Variants in KDM7A observed in about 807,000 individuals in gnomAD.
KDM7A encodes the protein lysine demethylase 7A.
In KDM7A, 28 loss-of-function variants were observed where a neutral mutation model predicts 114.8. That is an observed-to-expected ratio of 0.24 (90% confidence interval 0.18 to 0.33). The LOEUF (loss-of-function observed/expected upper bound fraction) is 0.33, where lower values mean the gene tolerates loss of function less well. Among genes scored for constraint, KDM7A ranks in the 10% least tolerant of loss-of-function variants. The pLI, the probability that KDM7A is intolerant of heterozygous loss-of-function variation, is 1.00. For synonymous variants in KDM7A, 423 were observed against 397.8 expected, an observed-to-expected ratio of 1.06 and a Z score of -0.75; for missense variants, 942 against 1,142.5, an observed-to-expected ratio of 0.82 and a Z score of 2.53.
intron 1 of KDM7A, among the ~76,000 whole-genome samples, chr7:140,153,957 C>G (rs1048705508): frequency 6.6e-6 from 1 of 152,130 alleles, no homozygotes; most frequent in African/African-American, 2.4e-5. Context: ...AAAACATGCT[C>G]TCCTGTCTGC....
In KDM7A at chr7:140,102,906, T is replaced by C. The variant is rs1818256259; in HGVS notation, c.1429-746A>G. ...ATCATGAAAAATAGCAGCCTCCTCT[T>C]CCCCATCCCTCTCATTCTCCAGAGG... On this transcript the variant is annotated intron_variant, in intron 11 of 19. Coordinates refer to ENST00000397560, the MANE Select transcript of KDM7A (RefSeq NM_030647.2). 2.0e-5 allele frequency among the ~76,000 whole-genome samples: 3 copies of C among 152,160 alleles called. No homozygotes were observed. The South Asian group carries it at 6.2e-4, about 32-fold the overall frequency.
intron 9 of KDM7A, among the ~76,000 whole-genome samples, chr7:140,118,499 G>C (rs911474881): frequency 6.6e-6 from 1 of 151,956 alleles, no homozygotes; most frequent in Non-Finnish European, 1.5e-5. Flanking sequence ...CCTCCCGCCG[G>C]GTTCAAGCGA....
At chr7:140,133,486 AGAC>A in intron 3 of KDM7A, 50 bp downstream of exon 3, 1 of 1,041,104 alleles carries the variant, frequency 9.6e-7, no homozygotes, top group Non-Finnish European at 1.5e-6. Flanking sequence ...TCACTCTATG[AGAC>A]GACATTCTTA....
chr7:140,140,970 G>C (rs1794265623), intron 1 of KDM7A, among the ~76,000 whole-genome samples: 1 of 152,056 alleles, frequency 6.6e-6, no homozygotes, highest in Non-Finnish European at 1.5e-5. Flanking sequence ...GAAAAAGATT[G>C]CTAAATATTA....
At chr7:140,173,992 C>G (rs1381518447) in intron 1 of KDM7A, among the ~76,000 whole-genome samples, 1 of 151,830 alleles carries the variant, frequency 6.6e-6, no homozygotes, top group Non-Finnish European at 1.5e-5. Context: ...GGTGAAATCC[C>G]GTTCCTACTA....
chr7:140,097,143 A>G, intron 15 of KDM7A, 96 bp from the exon 16 acceptor site: 1 of 851,912 alleles, frequency 1.2e-6, no homozygotes, highest in Non-Finnish European at 1.8e-6. Context: ...AGAGAAAGTC[A>G]GAATCTTAAT....
intron 1 of KDM7A, among the ~76,000 whole-genome samples, chr7:140,143,303 AG>A (rs1169254601): frequency 6.6e-6 from 1 of 152,194 alleles, no homozygotes; most frequent in Non-Finnish European, 1.5e-5. Flanking sequence ...TAAAAAAACA[AG>A]GAAGAGATGG....
chr7:140,103,264 A>T (rs1818263194), intron 11 of KDM7A, among the ~76,000 whole-genome samples: 1 of 151,914 alleles, frequency 6.6e-6, no homozygotes, highest in Non-Finnish European at 1.5e-5. Context: ...TTAGCAAAAT[A>T]TCTTCAAGGT....
At chr7:140,111,964 T>C (rs1045588105) in intron 10 of KDM7A, among the ~76,000 whole-genome samples, 2 of 151,290 alleles carry the variant, frequency 1.3e-5, no homozygotes, top group African/African-American at 2.4e-5. Flanking sequence ...AAAAAAGCTC[T>C]AAAGGGAATT....
chr7:140,100,846 C>T (rs1217809008), intron 12 of KDM7A, among the ~76,000 whole-genome samples: 19 of 150,400 alleles, frequency 1.3e-4, no homozygotes, highest in African/African-American at 4.1e-4. Context: ...CTGCAAGCTC[C>T]GCCTCCCGGG....
At chr7:140,175,455 C>T (rs62491441) in intron 1 of KDM7A, among the ~76,000 whole-genome samples, 1 of 152,130 alleles carries the variant, frequency 6.6e-6, no homozygotes, top group Non-Finnish European at 1.5e-5. Flanking sequence ...TGCTATTACT[C>T]GTGAGCGTGC....
At chr7:140,138,742 T>A (rs1206164130) in intron 2 of KDM7A, among the ~76,000 whole-genome samples, 1 of 152,178 alleles carries the variant, frequency 6.6e-6, no homozygotes, top group African/African-American at 2.4e-5. Context: ...TTCTGTATAC[T>A]CTCCCAAAAT....
intron 1 of KDM7A, among the ~76,000 whole-genome samples, chr7:140,170,172 T>C (rs1794622733): frequency 6.6e-6 from 1 of 150,676 alleles, no homozygotes; most frequent in Non-Finnish European, 1.5e-5. Flanking sequence ...TACACTCTAA[T>C]AAAAAAAATC....
At chr7:140,109,060 C>T (rs893585060) in intron 11 of KDM7A, among the ~76,000 whole-genome samples, 2 of 152,152 alleles carry the variant, frequency 1.3e-5, no homozygotes, top group African/African-American at 4.8e-5. Context: ...GGGTGTGGGA[C>T]CCTCGGAGCC....
intron 11 of KDM7A, among the ~76,000 whole-genome samples, chr7:140,107,948 T>A (rs1230386585): frequency 6.6e-6 from 1 of 152,230 alleles, no homozygotes; most frequent in Non-Finnish European, 1.5e-5. Context: ...TAGTCCCATA[T>A]TTCTTGGAGG....
intron 1 of KDM7A, among the ~76,000 whole-genome samples, chr7:140,154,179 A>G (rs2116840092): frequency 6.6e-6 from 1 of 152,230 alleles, no homozygotes. Flanking sequence ...ATTCCCTTAA[A>G]AAACATTTTT....
At chr7:140,151,038 C>T (rs1794394660) in intron 1 of KDM7A, among the ~76,000 whole-genome samples, 1 of 152,032 alleles carries the variant, frequency 6.6e-6, no homozygotes, top group African/African-American at 2.4e-5. Context: ...ACCATGTTGG[C>T]CAGGCTGGTT....
intron 11 of KDM7A, among the ~76,000 whole-genome samples, chr7:140,103,465 C>T (rs1308567201): frequency 1.3e-5 from 2 of 148,458 alleles, no homozygotes; most frequent in Admixed American, 6.8e-5. Context: ...CTCCCCCCCC[C>T]TCCAACCCAC....
At chr7:140,126,489 G>T (rs1025782500) in intron 6 of KDM7A, 148 bp downstream of exon 6, 2 of 425,384 alleles carry the variant, frequency 4.7e-6, no homozygotes, top group Non-Finnish European at 4.0e-6. Context: ...ACGTTTAAAG[G>T]CAAAGTGACA....
Sources: allele counts gnomAD v4.1 joint callset (sites outside exome capture counted in the v4.1 genomes callset), GRCh38; gene constraint gnomAD v4.1.1; transcripts MANE v1.5; gene names NCBI Gene and HGNC (gene_info 2026-07-23, HGNC 2026-07-21).